Variants in TFEC observed in about 807,000 individuals in gnomAD.
TFEC encodes transcription factor EC.
Under a neutral mutation model 41.6 loss-of-function variants are expected in TFEC, and 31 were observed. The ratio of observed to expected loss-of-function variants is 0.74; its 90% CI spans 0.56 to 1.01. TFEC has a LOEUF of 1.01. Among genes scored for constraint, TFEC ranks in the 50% least tolerant of loss-of-function variants. The pLI, the probability that TFEC is intolerant of heterozygous loss-of-function variation, is 0.00. For missense variants in TFEC, 402 were observed against 404.1 expected, an observed-to-expected ratio of 0.99 and a Z score of 0.04; for synonymous variants, 143 against 140.6, an observed-to-expected ratio of 1.02 and a Z score of -0.12.
intron 3 of TFEC, among the ~76,000 whole-genome samples, chr7:116,065,516 T>C (rs1320168241): frequency 6.6e-6 from 1 of 152,160 alleles, no homozygotes; most frequent in African/African-American, 2.4e-5. Context: ...AGGTGATTTC[T>C]GGTCCTTTGA....
At chr7:115,941,522 C>G in intron 7 of TFEC, 1 of 223,664 alleles carries the variant, frequency 4.5e-6, no homozygotes, top group East Asian at 9.2e-5. Flanking sequence ...AAATGTTTTA[C>G]TTAGTATTAT....
chr7:115,965,513 C>G (rs180771891), intron 3 of TFEC, among the ~76,000 whole-genome samples: 57 of 151,616 alleles, frequency 3.8e-4, no homozygotes, highest in African/African-American at 1.3e-3. Flanking sequence ...AAAATAGCAC[C>G]CTTTTTTTTC....
chr7:116,093,345 T>C (rs527486815), intron 3 of TFEC, among the ~76,000 whole-genome samples: 1 of 152,130 alleles, frequency 6.6e-6, no homozygotes, highest in Admixed American at 6.5e-5. Context: ...GGCACACATA[T>C]GAGAAAGAAG....
At chr7:116,024,716 G>A (rs905301033) in intron 1 of TFEC, among the ~76,000 whole-genome samples, 15 of 152,072 alleles carry the variant, frequency 9.9e-5, no homozygotes, top group Admixed American at 3.9e-4. Context: ...AGCATTCAGG[G>A]TCTCACTTTT....
At chr7:116,081,030 G>T (rs568597485) in intron 3 of TFEC, among the ~76,000 whole-genome samples, 2 of 147,424 alleles carry the variant, frequency 1.4e-5, no homozygotes, top group Admixed American at 1.3e-4. Context: ...AATATAAAAT[G>T]GAATACTACT....
At chr7:116,149,082 C>T (rs938389044) in intron 1 of TFEC, among the ~76,000 whole-genome samples, 1 of 151,910 alleles carries the variant, frequency 6.6e-6, no homozygotes, top group South Asian at 2.1e-4. Context: ...ACTTAATGAA[C>T]TGAGAAATAG....
chr7:115,946,960 G>A (rs538577029), intron 6 of TFEC, among the ~76,000 whole-genome samples: 19 of 151,118 alleles, frequency 1.3e-4, no homozygotes, highest in Non-Finnish European at 2.7e-4. Flanking sequence ...TAGGGTACAT[G>A]TGCCAATGTG....
At chr7:116,156,471 A>G (rs2116493659) in intron 1 of TFEC, among the ~76,000 whole-genome samples, 1 of 152,316 alleles carries the variant, frequency 6.6e-6, no homozygotes, top group South Asian at 2.1e-4. Flanking sequence ...AACATAGGAA[A>G]ACAAGATATT....
Position 115,938,628 on chromosome 7 carries a change from C to A in TFEC, c.*1923G>T, listed in dbSNP as rs1793342072. ...TATACCATAATGATTTACTATTTTTCTACTTTTATCAGCATTAGGGTCTCA... is the reference window on the plus strand; with the variant it reads ...TATACCATAATGATTTACTATTTTTATACTTTTATCAGCATTAGGGTCTCA... On this transcript the variant is annotated 3_prime_UTR_variant, in exon 8 of 8. Coordinates refer to ENST00000265440, the MANE Select transcript of TFEC (RefSeq NM_012252.4). The A allele has an allele frequency of 6.6e-6, 1 of 151,812 alleles. No homozygotes were observed. The allele number at this position is 151,812 out of a possible 1,614,324, so 9.4% of individuals were successfully genotyped here.
intron 5 of TFEC, among the ~76,000 whole-genome samples, chr7:115,953,226 C>T (rs148861589): frequency 7.9e-5 from 12 of 152,144 alleles, no homozygotes; most frequent in South Asian, 6.2e-4. Flanking sequence ...GACATTTTCA[C>T]GCCAAAATCC....
In TFEC at chr7:116,145,582, A is replaced by G. The variant is rs558858409; in HGVS notation, c.-69+14208T>C. Among the ~76,000 whole-genome samples the G allele has an allele frequency of 1.4e-4, 21 of 152,340 alleles. No individual in the cohort carries two copies. The South Asian group carries it at 3.3e-3, about 24-fold the overall frequency. On this transcript the variant is annotated intron_variant, in intron 1 of 8. Coordinates refer to the TFEC transcript ENST00000484212. Reference sequence around the variant, plus strand: ...GCCAGAGTATTTCTACACAAATACCAAGATCCTAGAAGCCAAAAAGAAACT... The same window carrying G: ...GCCAGAGTATTTCTACACAAATACCGAGATCCTAGAAGCCAAAAAGAAACT...
chr7:116,017,782 G>A (rs1004220261), intron 1 of TFEC, among the ~76,000 whole-genome samples: 2 of 152,100 alleles, frequency 1.3e-5, no homozygotes, highest in Admixed American at 1.3e-4. Context: ...CTCTTTTCAG[G>A]AACAGGTTAC....
At chr7:116,045,557 T>C (rs190958730) in intron 3 of TFEC, among the ~76,000 whole-genome samples, 412 of 152,310 alleles carry the variant, frequency 2.7e-3, no homozygotes, top group Non-Finnish European at 4.6e-3. Context: ...AACCTCTGCC[T>C]AGATTTCAGA....
At chr7:116,092,016 G>C (rs1157126273) in intron 3 of TFEC, among the ~76,000 whole-genome samples, 98 of 152,046 alleles carry the variant, frequency 6.4e-4, no homozygotes, top group Non-Finnish European at 8.8e-5. Flanking sequence ...TTACAGTGAC[G>C]ATGTTTGCTC....
chr7:115,970,215 G>C (rs1793070980), intron 3 of TFEC, among the ~76,000 whole-genome samples: 1 of 151,956 alleles, frequency 6.6e-6, no homozygotes, highest in Non-Finnish European at 1.5e-5. Flanking sequence ...AGAATCCACA[G>C]AACCCCAGAT....
chr7:116,078,600 C>T (rs923095885), intron 3 of TFEC, among the ~76,000 whole-genome samples: 3 of 151,998 alleles, frequency 2.0e-5, no homozygotes, highest in African/African-American at 7.2e-5. Flanking sequence ...TGGATAAATT[C>T]TTGGAAATAT....
chr7:115,975,651 A>C (rs1449772514), intron 2 of TFEC, among the ~76,000 whole-genome samples: 1 of 152,178 alleles, frequency 6.6e-6, no homozygotes, highest in African/African-American at 2.4e-5. Flanking sequence ...ACAGACCCAT[A>C]AACAGCTTAA....
chr7:116,002,584 T>C (rs1584676650), intron 1 of TFEC, among the ~76,000 whole-genome samples: 1 of 152,296 alleles, frequency 6.6e-6, no homozygotes, highest in East Asian at 1.9e-4. Context: ...TCATTAGATA[T>C]AATGAATAAG....
chr7:116,140,863 T>C (rs760821223), intron 1 of TFEC, among the ~76,000 whole-genome samples: 1 of 152,212 alleles, frequency 6.6e-6, no homozygotes, highest in Non-Finnish European at 1.5e-5. Flanking sequence ...AAATTCTATC[T>C]ACTAGAGGTG....
Sources: allele counts gnomAD v4.1 joint callset (sites outside exome capture counted in the v4.1 genomes callset), GRCh38; gene constraint gnomAD v4.1.1; transcripts MANE v1.5; gene names NCBI Gene and HGNC (gene_info 2026-07-23, HGNC 2026-07-21).